ADD2: variants seen among roughly 807,000 people sequenced by gnomAD.
The protein encoded by ADD2 is beta-adducin.
ADD2 carries 23 observed loss-of-function variants against 83.0 expected under a neutral mutation model. The observed-to-expected ratio is 0.28, with a 90% CI of 0.20 to 0.39. ADD2 has a LOEUF of 0.39. ADD2 is among the 10% of genes least tolerant of loss of function. ADD2 has a pLI of 1.00. For missense variants in ADD2, 758 were observed against 944.9 expected (o/e 0.80, Z 2.59); for synonymous variants, 375 against 375.4 (o/e 1.00, Z 0.01).
At chr2:70,709,361 T>C (rs1363252583) in intron 2 of ADD2, among the ~76,000 whole-genome samples, 1 of 152,086 alleles carries the variant, frequency 6.6e-6, no homozygotes, top group Non-Finnish European at 1.5e-5. Flanking sequence ...AGAAAGATTT[T>C]GAAACAGATT....
intron 1 of ADD2, among the ~76,000 whole-genome samples, chr2:70,724,109 C>A (rs1278934275): frequency 2.0e-5 from 3 of 152,224 alleles, no homozygotes; most frequent in South Asian, 2.1e-4. Flanking sequence ...GCCTTAAAAG[C>A]TGTCTTGTGG....
At chr2:70,665,272 G>C (rs1675739059) in intron 15 of ADD2, among the ~76,000 whole-genome samples, 1 of 152,064 alleles carries the variant, frequency 6.6e-6, no homozygotes, top group Non-Finnish European at 1.5e-5. Flanking sequence ...TGAACCACCT[G>C]GGCCAGATCT....
At chr2:70,710,665 GGAACAAGAC>G (rs1672135619) in intron 2 of ADD2, among the ~76,000 whole-genome samples, 1 of 152,222 alleles carries the variant, frequency 6.6e-6, no homozygotes, top group Non-Finnish European at 1.5e-5. Context: ...CACAGACTCT[GGAACAAGAC>G]TACCTGGGTT....
At chr2:70,704,263 T>TGGGCCCCCCCCCCCCCCCCCCCCCCCCCC in intron 4 of ADD2, 58 bp downstream of exon 4, 6 of 913,238 alleles carry the variant, frequency 6.6e-6, no homozygotes, top group Non-Finnish European at 6.8e-6. Flanking sequence ...CTCCCTCTCT[T>TGGGCCCCCCCCCCCCCCCCCCCCCCCCCC]CCCCACCCCA....
At chr2:70,737,634 T>C (rs1446505329) in intron 1 of ADD2, among the ~76,000 whole-genome samples, 3 of 150,814 alleles carry the variant, frequency 2.0e-5, no homozygotes, top group African/African-American at 7.3e-5. Context: ...AAATGACGAG[T>C]TAATGGGTGC....
Position 70,677,890 on chromosome 2 carries a change from A to G in ADD2, c.1384-13T>C, listed in dbSNP as rs1670253118. On this transcript the variant is annotated splice_polypyrimidine_tract_variant and intron_variant, in intron 11 of 15. Coordinates refer to ENST00000264436, the MANE Select transcript of ADD2 (RefSeq NM_001617.4). ...CAGCCTTCATCCACTGCACAAACAC[A>G]AGGTCATGGGGCTGAGGTGAGGGAA... The G allele has an allele frequency of 2.5e-6, 4 of 1,614,030 alleles. No individual in the cohort carries two copies. Among genetic ancestry groups the G allele is most frequent in the Non-Finnish European group, 3.4e-6 (4 of 1,179,980 alleles).
chr2:70,667,793 A>T (rs928857432), intron 15 of ADD2, among the ~76,000 whole-genome samples: 2 of 152,042 alleles, frequency 1.3e-5, no homozygotes, highest in African/African-American at 2.4e-5. Flanking sequence ...AAATTTTTGT[A>T]TTTTTAGTAG....
chr2:70,665,734 G>GT (rs1458246443), intron 15 of ADD2, among the ~76,000 whole-genome samples: 4 of 151,730 alleles, frequency 2.6e-5, no homozygotes, highest in Non-Finnish European at 4.4e-5. Context: ...CCACTTCCAG[G>GT]TAGAGTTTAT....
In ADD2 at chr2:70,728,985, G is replaced by C. The variant is rs368326820; in HGVS notation, c.-153-15801C>G. 1.4e-3 allele frequency among the ~76,000 whole-genome samples: 212 copies of C among 152,368 alleles called. 1 individual carries two copies. Among genetic ancestry groups the C allele is most frequent in the African/African-American group, 4.8e-3 (198 of 41,596 alleles). On this transcript the variant is annotated intron_variant, in intron 1 of 15. Coordinates refer to ENST00000264436, the MANE Select transcript of ADD2 (RefSeq NM_001617.4). ...CGGCAAACTCTCAAAGATACGCTGAGCTTCCAGCTCTCATTGAATGTCAGA... is the reference window on the plus strand; with the variant it reads ...CGGCAAACTCTCAAAGATACGCTGACCTTCCAGCTCTCATTGAATGTCAGA...
chr2:70,716,827 G>A (rs1188279444), intron 1 of ADD2, among the ~76,000 whole-genome samples: 1 of 152,142 alleles, frequency 6.6e-6, no homozygotes, highest in African/African-American at 2.4e-5. Context: ...ATCACCTCTT[G>A]TCTTGGTATA....
chr2:70,673,149 C>G, intron 14 of ADD2, 143 bp from the exon 15 acceptor site: 1 of 1,551,332 alleles, frequency 6.4e-7, no homozygotes, highest in Non-Finnish European at 8.9e-7. Flanking sequence ...GAAGTTAGCT[C>G]CTCCCCCTGA....
chr2:70,718,517 AT>A (rs1672581072), intron 1 of ADD2, among the ~76,000 whole-genome samples: 1 of 152,236 alleles, frequency 6.6e-6, no homozygotes, highest in African/African-American at 2.4e-5. Context: ...GTGATCAGAA[AT>A]GAATGTGTTT....
intron 4 of ADD2, among the ~76,000 whole-genome samples, chr2:70,701,291 A>G (rs937292223): frequency 6.6e-6 from 1 of 152,108 alleles, no homozygotes; most frequent in Non-Finnish European, 1.5e-5. Context: ...CAATAGTTCA[A>G]GGGAAAAAAA....
chr2:70,714,648 C>T (rs1672372111), intron 1 of ADD2, among the ~76,000 whole-genome samples: 1 of 152,226 alleles, frequency 6.6e-6, no homozygotes, highest in Non-Finnish European at 1.5e-5. Context: ...CTATTTTTAG[C>T]TAGAACAGGG....
rs542178527 is a variant in ADD2, at chr2:70,711,787, A to G, written c.-35+1279T>C. Among the ~76,000 whole-genome samples the G allele has an allele frequency of 4.6e-5, 7 of 152,298 alleles. No homozygotes were observed. In the East Asian group the frequency reaches 1.2e-3, roughly 25 times the overall value. On this transcript the variant is annotated intron_variant, in intron 2 of 15. Transcript: ENST00000264436. ...CCTTTGAAATATGATTGCAAGTACC[A>G]TACTTTCGGTGAGTTCTGTGACTCA... is the stretch of plus-strand genomic sequence containing the variant.
intron 1 of ADD2, among the ~76,000 whole-genome samples, chr2:70,732,476 C>T (rs1462175890): frequency 1.3e-5 from 2 of 152,180 alleles, no homozygotes; most frequent in African/African-American, 2.4e-5. Context: ...GACCCCTGCC[C>T]TATACAGAGA....
chr2:70,733,204 G>A (rs1553379614), intron 1 of ADD2, among the ~76,000 whole-genome samples: 1 of 152,170 alleles, frequency 6.6e-6, no homozygotes, highest in Non-Finnish European at 1.5e-5. Context: ...AGTTTTTCTG[G>A]TGGCAGATGT....
intron 1 of ADD2, among the ~76,000 whole-genome samples, chr2:70,730,642 T>C (rs910670379): frequency 6.6e-6 from 1 of 152,216 alleles, no homozygotes; most frequent in Non-Finnish European, 1.5e-5. Context: ...CTAATATGTC[T>C]CCTCTTTTTA....
chr2:70,683,578 G>T lies in ADD2; in HGVS notation c.1125+13C>A, dbSNP rs1553369937. 6.2e-7 allele frequency: 1 copy of T among 1,604,706 alleles called. No individual in the cohort carries two copies. The stretch of plus-strand genomic sequence containing the variant: ...AATGGACTGGCCTGGAAGGGCAATG[G>T]CAGGAGACTCACCAGGTTGTCCAGC... On this transcript the variant is annotated intron_variant, in intron 10 of 15. Coordinates refer to ENST00000264436, the MANE Select transcript of ADD2 (RefSeq NM_001617.4).
Sources: gnomAD v4.1 joint callset for allele counts (sites outside exome capture counted in the v4.1 genomes callset) on GRCh38, gnomAD v4.1.1 for gene constraint, MANE v1.5 for transcripts, NCBI Gene and HGNC (gene_info 2026-07-23, HGNC 2026-07-21) for gene names.